The following GNAI1 variants were observed in gnomAD, a reference collection of about 807,000 sequenced individuals.
GNAI1 encodes the protein G protein subunit alpha i1.
GNAI1 carries 11 observed loss-of-function variants against 38.9 expected under a neutral mutation model. That is an observed-to-expected ratio of 0.28 (90% CI 0.18 to 0.47). GNAI1 has a LOEUF of 0.47. Ranked by LOEUF, GNAI1 falls within the 20% of genes least tolerant of loss-of-function variation. GNAI1 has a pLI of 0.99. For synonymous variants in GNAI1, 166 were observed against 145.1 expected (o/e 1.14, Z -1.04); for missense variants, 317 against 436.9 (o/e 0.73, Z 2.45).
rs551014754 is a variant in GNAI1 at position 80,190,545 on chromosome 7, A to C, written c.303+1314A>C. On this transcript the variant is annotated intron_variant, in intron 3 of 7. Coordinates refer to ENST00000649796, the MANE Select transcript of GNAI1 (RefSeq NM_002069.6). ...AAGACATTTTAAAAGAACATTATAAATTATTATTGAAAATAATGTTGAAAT... is the reference window on the plus strand; with the variant it reads ...AAGACATTTTAAAAGAACATTATAACTTATTATTGAAAATAATGTTGAAAT... 2.6e-3 allele frequency among the ~76,000 whole-genome samples: 401 copies of C among 152,292 alleles called. 5 individuals carry two copies. The highest frequency in any genetic ancestry group is 9.2e-3 in the African/African-American group (382 of 41,584).
intron 1 of GNAI1, among the ~76,000 whole-genome samples, chr7:80,136,972 A>G (rs1400630711): frequency 6.6e-6 from 1 of 152,158 alleles, no homozygotes; most frequent in Non-Finnish European, 1.5e-5. Flanking sequence ...GGGGCTGGGT[A>G]ATTCTTTGTT....
intron 3 of GNAI1, among the ~76,000 whole-genome samples, chr7:80,190,205 A>G (rs896022870): frequency 2.6e-5 from 4 of 152,212 alleles, no homozygotes; most frequent in Middle Eastern, 3.5e-3. Flanking sequence ...AAATGAATGA[A>G]AGCAATATTA....
At chr7:80,192,118 G>A (rs1044282758) in intron 3 of GNAI1, among the ~76,000 whole-genome samples, 1 of 151,916 alleles carries the variant, frequency 6.6e-6, no homozygotes, top group African/African-American at 2.4e-5. Context: ...AAACACTTTT[G>A]CCTAGCATAT....
intron 1 of GNAI1, among the ~76,000 whole-genome samples, chr7:80,158,994 C>T (rs1787868876): frequency 6.6e-6 from 1 of 152,168 alleles, no homozygotes; most frequent in African/African-American, 2.4e-5. Context: ...TGCCACTGCC[C>T]ACCACCCACC....
At chr7:80,190,000 A>G (rs1221598733) in intron 3 of GNAI1, among the ~76,000 whole-genome samples, 1 of 151,710 alleles carries the variant, frequency 6.6e-6, no homozygotes, top group East Asian at 1.9e-4. Flanking sequence ...TAGCAGATAT[A>G]TTATTGTATT....
chr7:80,181,697 A>G (rs1788295269), intron 1 of GNAI1, among the ~76,000 whole-genome samples: 1 of 152,136 alleles, frequency 6.6e-6, no homozygotes, highest in Non-Finnish European at 1.5e-5. Context: ...AACCACATAA[A>G]TGTATTCTTT....
At chr7:80,175,537 A>G (rs1236741647) in intron 1 of GNAI1, among the ~76,000 whole-genome samples, 1 of 148,794 alleles carries the variant, frequency 6.7e-6, no homozygotes, top group East Asian at 1.9e-4. Context: ...ACTTGATTGT[A>G]CTTTGCAGAT....
chr7:80,192,118 G>T (rs1044282758), intron 3 of GNAI1, among the ~76,000 whole-genome samples: 1 of 151,916 alleles, frequency 6.6e-6, no homozygotes, highest in Non-Finnish European at 1.5e-5. Flanking sequence ...AAACACTTTT[G>T]CCTAGCATAT....
At chr7:80,168,817 T>C (rs984719982) in intron 1 of GNAI1, among the ~76,000 whole-genome samples, 10 of 152,182 alleles carry the variant, frequency 6.6e-5, no homozygotes, top group African/African-American at 2.4e-4. Context: ...AAATCCCCAT[T>C]GCTTCTTCAT....
rs538246344 is a variant in GNAI1 at position 80,220,763 on chromosome 7, A to T, written c.*3270A>T. On this transcript the variant is annotated 3_prime_UTR_variant, in exon 8 of 8. Transcript: ENST00000649796. ...TTAAAGAGGTTAATTAACTTGAGCAAGACCAGATGAAGGTTTTAAACCTAG... is the reference window on the plus strand; with the variant it reads ...TTAAAGAGGTTAATTAACTTGAGCATGACCAGATGAAGGTTTTAAACCTAG... Among the ~76,000 whole-genome samples, 1 of 152,322 alleles carries T rather than the reference A, an allele frequency of 6.6e-6. No homozygotes were observed. Among genetic ancestry groups the T allele is most frequent in the African/African-American group, 2.4e-5 (1 of 41,580 alleles).
chr7:80,140,749 T>G (rs1274670808), intron 1 of GNAI1, among the ~76,000 whole-genome samples: 10 of 152,214 alleles, frequency 6.6e-5, no homozygotes, highest in Admixed American at 6.5e-4. Flanking sequence ...TTTTAATGAA[T>G]GTTCATTACC....
intron 1 of GNAI1, among the ~76,000 whole-genome samples, chr7:80,166,451 A>C (rs561372167): frequency 6.6e-4 from 101 of 152,308 alleles, no homozygotes; most frequent in African/African-American, 2.3e-3. Context: ...AGATTGATAC[A>C]TTATTCTTAC....
intron 1 of GNAI1, among the ~76,000 whole-genome samples, chr7:80,174,978 C>G (rs1788157200): frequency 6.6e-6 from 1 of 152,086 alleles, no homozygotes; most frequent in South Asian, 2.1e-4. Flanking sequence ...TTCCATGTGA[C>G]CAAATGGGAA....
chr7:80,175,015 A>G (rs1788158052), intron 1 of GNAI1, among the ~76,000 whole-genome samples: 1 of 152,230 alleles, frequency 6.6e-6, no homozygotes, highest in East Asian at 1.9e-4. Flanking sequence ...CCTGTATACC[A>G]AAGCATGATG....
chr7:80,217,252 G>A, intron 7 of GNAI1, 51 bp from the exon 8 acceptor site: 2 of 1,162,282 alleles, frequency 1.7e-6, no homozygotes, highest in South Asian at 1.6e-5. Context: ...AGTATTTTAA[G>A]CAGTTATTTT....
At chr7:80,141,034 AC>A (rs1787517018) in intron 1 of GNAI1, among the ~76,000 whole-genome samples, 1 of 152,118 alleles carries the variant, frequency 6.6e-6, no homozygotes, top group African/African-American at 2.4e-5. Flanking sequence ...ACTTGGAAGG[AC>A]CCTTGTAATT....
intron 4 of GNAI1, 31 bp downstream of exon 4, chr7:80,199,413 T>A: frequency 1.3e-6 from 2 of 1,490,350 alleles, no homozygotes; most frequent in Non-Finnish European, 1.8e-6. Context: ...AACTAAACTA[T>A]CATGAATAAT....
chr7:80,184,141 A>G (rs1205241641), intron 1 of GNAI1, among the ~76,000 whole-genome samples: 12 of 152,058 alleles, frequency 7.9e-5, no homozygotes, highest in African/African-American at 2.2e-4. Context: ...ATCTGCAGCA[A>G]CCTCAATTCT....
At chr7:80,192,849 C>T (rs946123484) in intron 3 of GNAI1, among the ~76,000 whole-genome samples, 2 of 152,000 alleles carry the variant, frequency 1.3e-5, no homozygotes, top group African/African-American at 4.8e-5. Context: ...TGTCCACCAC[C>T]ACCACACCTG....
Sources: gnomAD v4.1 joint callset for allele counts (sites outside exome capture counted in the v4.1 genomes callset) on GRCh38, gnomAD v4.1.1 for gene constraint, MANE v1.5 for transcripts, NCBI Gene and HGNC (gene_info 2026-07-23, HGNC 2026-07-21) for gene names.